Variants in C2CD3 observed in about 807,000 individuals in gnomAD.
C2CD3 encodes C2 domain-containing protein 3.
C2CD3 carries 148 observed loss-of-function variants against 234.0 expected under a neutral mutation model. That is an observed-to-expected ratio of 0.63 (90% CI 0.55 to 0.72). The LOEUF (loss-of-function observed/expected upper bound fraction) is 0.72. Ranked by LOEUF, C2CD3 falls within the 30% of genes least tolerant of loss-of-function variation. The pLI, the probability that C2CD3 is intolerant of heterozygous loss-of-function variation, is 0.00. For missense variants in C2CD3, 2,577 were observed against 2,811.5 expected (o/e 0.92, Z 1.89); for synonymous variants, 1,000 against 1,035.4 (o/e 0.97, Z 0.66).
At chr11:74,117,098 A>ATGAATATATATATT (rs1957018348) in intron 9 of C2CD3, among the ~76,000 whole-genome samples, 1 of 63,056 alleles carries the variant, frequency 1.6e-5, no homozygotes, top group Non-Finnish European at 2.8e-5. Flanking sequence ...ATATATATAT[A>ATGAATATATATATT]TGAATATATA....
chr11:74,054,798 C>A, intron 25 of C2CD3, 127 bp from the exon 26 acceptor site: 1 of 589,166 alleles, frequency 1.7e-6, no homozygotes, highest in Non-Finnish European at 3.0e-6. Context: ...TCTTAGCCAT[C>A]TTCTGGCATA....
At chr11:74,059,421 A>AAAAAAG (rs1168397078) in intron 24 of C2CD3, among the ~76,000 whole-genome samples, 3 of 150,902 alleles carry the variant, frequency 2.0e-5, no homozygotes, top group African/African-American at 7.3e-5. Context: ...AAAAAAAAAA[A>AAAAAAG]AAAAAAAAAA....
chr11:74,026,685 T>A (rs1226344821), intron 32 of C2CD3, among the ~76,000 whole-genome samples: 1 of 152,110 alleles, frequency 6.6e-6, no homozygotes, highest in Admixed American at 6.6e-5. Context: ...AAGTTTAGAT[T>A]CAGGCCGGGC....
chr11:74,136,999 T>C (rs930160257), intron 5 of C2CD3, among the ~76,000 whole-genome samples: 2 of 150,988 alleles, frequency 1.3e-5, no homozygotes, highest in African/African-American at 4.8e-5. Flanking sequence ...TCCTTTCCCT[T>C]AGATCTTTAA....
At chr11:74,151,767 C>T (rs1855679575) in intron 3 of C2CD3, among the ~76,000 whole-genome samples, 1 of 151,882 alleles carries the variant, frequency 6.6e-6, no homozygotes, top group African/African-American at 2.4e-5. Context: ...AAACAGACAC[C>T]AAATGATGGG....
chr11:74,058,593 T>A (rs915276951), intron 24 of C2CD3, among the ~76,000 whole-genome samples: 6 of 152,096 alleles, frequency 3.9e-5, no homozygotes, highest in African/African-American at 1.4e-4. Context: ...GGCTCCAGAG[T>A]CCATGTTCTA....
chr11:74,098,684 T>C (rs1387669671), intron 15 of C2CD3, among the ~76,000 whole-genome samples: 1 of 152,234 alleles, frequency 6.6e-6, no homozygotes, highest in Non-Finnish European at 1.5e-5. Flanking sequence ...AGGCATTTTA[T>C]AGTATTTCTA....
chr11:74,110,759 G>C lies in C2CD3; in HGVS notation c.1844-1607C>G, dbSNP rs545378348. Among the ~76,000 whole-genome samples the C allele has an allele frequency of 2.0e-5, 3 of 152,316 alleles. No individual in the cohort carries two copies. The South Asian group carries it at 6.2e-4, about 32-fold the overall frequency. ...TGAAAAGTGAGTTAAGGCAGTAAGT[G>C]AAGAAGAAATTCAGGTAAATAACTT... On this transcript the variant is annotated intron_variant, in intron 11 of 32. Transcript: ENST00000334126.
chr11:74,130,823 C>A (rs921190507), intron 7 of C2CD3, among the ~76,000 whole-genome samples: 5 of 151,864 alleles, frequency 3.3e-5, no homozygotes, highest in South Asian at 2.1e-4. Context: ...TGTTCTGGGT[C>A]CCCTGCAATT....
In C2CD3 at chr11:74,116,845, CGTGTATAT is replaced by C. The variant is rs1380237763; in HGVS notation, c.1520+1375_1520+1382del. Among the ~76,000 whole-genome samples the C allele has an allele frequency of 7.4e-5, 10 of 134,882 alleles. No homozygotes were observed. In the South Asian group the frequency reaches 1.4e-3, roughly 19 times the overall value. 88.5% of individuals were successfully genotyped at this position (134,882 alleles called of 152,430 possible). A position where few individuals can be genotyped will look rare whatever the true frequency, so the allele number is the denominator to read the frequency against. ...ATATATACGTGTGTGTATATATACA[CGTGTATAT>C]GTGTATATACACGTGTATATGTATA... On this transcript the variant is annotated intron_variant, in intron 9 of 32. Transcript: ENST00000334126.
intron 12 of C2CD3, among the ~76,000 whole-genome samples, chr11:74,107,694 C>T (rs978103026): frequency 2.0e-5 from 3 of 151,898 alleles, no homozygotes; most frequent in Non-Finnish European, 4.4e-5. Context: ...AACCTACATA[C>T]AAAATTATAC....
At chr11:74,160,663 G>A (rs1210882132) in intron 3 of C2CD3, among the ~76,000 whole-genome samples, 2 of 152,248 alleles carry the variant, frequency 1.3e-5, no homozygotes, top group East Asian at 1.9e-4. Flanking sequence ...AAATTCTGGT[G>A]TTCTATTGTA....
intron 7 of C2CD3, chr11:74,128,684 A>T (rs1295856952): frequency 1.3e-5 from 2 of 151,556 alleles, no homozygotes; most frequent in African/African-American, 4.9e-5. Context: ...TAGGCAGAGG[A>T]CCCTGCGGCC....
chr11:74,090,396 C>T (rs1318292829), intron 20 of C2CD3, among the ~76,000 whole-genome samples: 1 of 152,116 alleles, frequency 6.6e-6, no homozygotes, highest in Non-Finnish European at 1.5e-5. Context: ...CAAAGCTAGA[C>T]TTAAGTGTTC....
chr11:74,167,557 G>A (rs921951463), intron 2 of C2CD3, among the ~76,000 whole-genome samples: 2 of 152,214 alleles, frequency 1.3e-5, no homozygotes, highest in Admixed American at 6.5e-5. Context: ...TCGAGAGAAT[G>A]TAAGTTACTC....
rs1390289420 is a variant in C2CD3 at position 74,098,107 on chromosome 11, C to T, written c.2881G>A (p.Ala961Thr). 1.2e-6 allele frequency: 2 copies of T among 1,613,970 alleles called. No individual in the cohort carries two copies. The highest frequency in any genetic ancestry group is 2.7e-5 in the African/African-American group (2 of 74,990). The stretch of plus-strand genomic sequence containing the variant: ...TCTTCATTCTTTAATCTTTGTAGTG[C>T]CATTATTTGATTTGAAGAACCCATA... Reference protein sequence around the residue: ...LAMGSSNQIMALQRLKNEEGT... With the variant: ...LAMGSSNQIMTLQRLKNEEGT... Residue 961 changes from alanine to threonine, a missense_variant, in exon 16 of 33, where the codon GCA (alanine) becomes ACA (threonine). Coordinates refer to ENST00000334126, the MANE Select transcript of C2CD3 (RefSeq NM_001286577.2).
At chr11:74,155,975 T>C (rs908611235) in intron 3 of C2CD3, among the ~76,000 whole-genome samples, 2 of 151,584 alleles carry the variant, frequency 1.3e-5, no homozygotes, top group East Asian at 3.9e-4. Flanking sequence ...ACCCTGTGTC[T>C]ACAAAAAATC....
At chr11:74,154,654 T>C (rs1306103876) in intron 3 of C2CD3, among the ~76,000 whole-genome samples, 1 of 152,222 alleles carries the variant, frequency 6.6e-6, no homozygotes, top group East Asian at 1.9e-4. Context: ...GCATGCCATA[T>C]GGTCTCATTA....
chr11:74,081,305 T>G (rs933484398), intron 22 of C2CD3, among the ~76,000 whole-genome samples: 2 of 152,162 alleles, frequency 1.3e-5, no homozygotes, highest in African/African-American at 2.4e-5. Context: ...GATCAGTATT[T>G]CCAGACTGCC....
Sources: allele counts gnomAD v4.1 joint callset (sites outside exome capture counted in the v4.1 genomes callset), GRCh38; gene constraint gnomAD v4.1.1; transcripts MANE v1.5; gene names NCBI Gene and HGNC (gene_info 2026-07-23, HGNC 2026-07-21).